Variants in RELL1 observed in about 807,000 individuals in gnomAD.
The protein encoded by RELL1 is RELT-like protein 1.
RELL1 carries 10 observed loss-of-function variants against 23.0 expected under a neutral mutation model. The ratio of observed to expected loss-of-function variants is 0.43; its 90% confidence interval spans 0.27 to 0.74. The LOEUF is 0.74. RELL1 is among the 30% of genes least tolerant of loss of function. The probability of loss-of-function intolerance (pLI) is 0.19; values close to 1 mark genes in which losing one functional copy is unlikely to be tolerated. For synonymous variants in RELL1, 146 were observed against 146.8 expected, an observed-to-expected ratio of 0.99 and a Z score of 0.04; for missense variants, 315 against 364.4, an observed-to-expected ratio of 0.86 and a Z score of 1.10.
chr4:37,668,270 A>C (rs1370892905), intron 1 of RELL1, among the ~76,000 whole-genome samples: 3 of 131,776 alleles, frequency 2.3e-5, no homozygotes, highest in African/African-American at 8.5e-5. Flanking sequence ...TACCGAGCCG[A>C]AGCTGGACTG....
At chr4:37,588,572 G>T, downstream of RELL1, 1 of 363,790 alleles carries the variant, frequency 2.7e-6, no homozygotes, top group Non-Finnish European at 5.1e-6. Context: ...CTCCTCATCT[G>T]CAAAATGGGG....
downstream of RELL1, among the ~76,000 whole-genome samples, chr4:37,589,718 G>A (rs1458611562): frequency 1.3e-5 from 2 of 152,076 alleles, no homozygotes; most frequent in Non-Finnish European, 2.9e-5. Context: ...TGCAGCCTCC[G>A]CCTCCCAGGT....
At chr4:37,615,784 A>G (rs1163411416) in intron 6 of RELL1, among the ~76,000 whole-genome samples, 2 of 152,254 alleles carry the variant, frequency 1.3e-5, no homozygotes, top group Non-Finnish European at 2.9e-5. Context: ...GATAAAAATT[A>G]AGAACCGCCC....
chr4:37,613,103 A>AT lies in RELL1; in HGVS notation c.*242dup, dbSNP rs1294913949. On this transcript the variant is annotated 3_prime_UTR_variant, in exon 7 of 7. Coordinates refer to ENST00000454158, the MANE Select transcript of RELL1 (RefSeq NM_001085400.2). The stretch of plus-strand genomic sequence containing the variant: ...GTAGAGGCTGGGAGTGGTTAAGAAG[A>AT]TAAAAACAGCTCTTTCCTTCCCTGG... The AT allele has an allele frequency of 4.6e-5, 7 of 152,226 alleles. No homozygotes were observed. The highest frequency in any genetic ancestry group is 1.2e-4 in the African/African-American group (5 of 41,452). 9.4% of individuals were successfully genotyped at this position (152,226 alleles called of 1,614,324 possible).
chr4:37,587,137 A>G (rs924858893), downstream of RELL1, among the ~76,000 whole-genome samples: 1 of 152,004 alleles, frequency 6.6e-6, no homozygotes, highest in African/African-American at 2.4e-5. Flanking sequence ...CCTTGCTCCA[A>G]TCTCTGCCTT....
intron 5 of RELL1, among the ~76,000 whole-genome samples, chr4:37,633,682 A>G (rs1464344948): frequency 1.3e-5 from 2 of 152,192 alleles, no homozygotes; most frequent in Non-Finnish European, 2.9e-5. Flanking sequence ...AACTGAATTA[A>G]AATAAAAATA....
At chr4:37,615,237 C>T (rs1719538206) in intron 6 of RELL1, among the ~76,000 whole-genome samples, 1 of 151,660 alleles carries the variant, frequency 6.6e-6, no homozygotes, top group Non-Finnish European at 1.5e-5. Context: ...AAAAACTGCA[C>T]TATCTGTAAT....
intron 4 of RELL1, among the ~76,000 whole-genome samples, chr4:37,636,101 G>C (rs1280201040): frequency 2.0e-5 from 3 of 152,132 alleles, no homozygotes; most frequent in Non-Finnish European, 2.9e-5. Context: ...TTAACAATGA[G>C]GATATTGAGG....
chr4:37,597,027 C>T (rs1056682799), intron 6 of RELL1, among the ~76,000 whole-genome samples: 1 of 151,734 alleles, frequency 6.6e-6, no homozygotes, highest in Non-Finnish European at 1.5e-5. Flanking sequence ...GGATTACAGG[C>T]GTGAGTCACC....
chr4:37,595,776 A>G (rs1912119), intron 6 of RELL1, among the ~76,000 whole-genome samples: 84,285 of 152,044 alleles, frequency 0.55, 26,856 homozygotes, highest in Non-Finnish European at 0.73. Context: ...TTTGGTCTCT[A>G]GAATGAGTCC....
downstream of RELL1, chr4:37,588,069 A>G (rs1416974076): frequency 6.6e-6 from 1 of 152,284 alleles, no homozygotes; most frequent in African/African-American, 2.4e-5. Context: ...TGAGGAAGGA[A>G]GAGGCCAACA....
chr4:37,637,511 C>A lies in RELL1; in HGVS notation c.443+936G>T, dbSNP rs1720373186. Among the ~76,000 whole-genome samples, 3 of 152,336 alleles carry A rather than the reference C, an allele frequency of 2.0e-5. No individual in the cohort carries two copies. The South Asian group carries it at 6.2e-4, about 32-fold the overall frequency. ...CCAGCCCTGACTCTTGTCTCCACCT[C>A]CTGCACGCCTGGTTCAGATGGCACC... On this transcript the variant is annotated intron_variant, in intron 4 of 6. Coordinates refer to ENST00000454158, the MANE Select transcript of RELL1 (RefSeq NM_001085400.2).
chr4:37,605,793 G>GAGAAAGAA (rs771797298), downstream of RELL1, among the ~76,000 whole-genome samples: 4,986 of 90,164 alleles, frequency 0.055, 185 homozygotes, highest in East Asian at 0.086. Context: ...GAGAAAGAAA[G>GAGAAAGAA]AGAAAGAAAG....
intron 1 of RELL1, among the ~76,000 whole-genome samples, chr4:37,683,787 CAAAT>C (rs895674022): frequency 9.1e-5 from 13 of 143,374 alleles, no homozygotes; most frequent in Non-Finnish European, 2.0e-4. Flanking sequence ...AATAAATAAA[CAAAT>C]AAAAATGCGG....
downstream of RELL1, chr4:37,590,206 G>A (rs1002923891): frequency 1.2e-6 from 2 of 1,614,116 alleles, no homozygotes; most frequent in African/African-American, 2.7e-5. Flanking sequence ...TGAAGTCTTG[G>A]TGCAGAAAAA....
chr4:37,664,344 A>G (rs1721456274), intron 1 of RELL1, among the ~76,000 whole-genome samples: 2 of 151,158 alleles, frequency 1.3e-5, no homozygotes, highest in South Asian at 4.2e-4. Flanking sequence ...CTGAGATCCC[A>G]TCACTGTGAC....
At chr4:37,649,789 G>T (rs1720838187) in intron 1 of RELL1, among the ~76,000 whole-genome samples, 1 of 152,218 alleles carries the variant, frequency 6.6e-6, no homozygotes. Context: ...TTGTCGTGAA[G>T]TGTCCAGCAC....
chr4:37,604,721 A>G (rs1254197300), intron 6 of RELL1, among the ~76,000 whole-genome samples: 1 of 152,108 alleles, frequency 6.6e-6, no homozygotes, highest in East Asian at 1.9e-4. Context: ...ACTTTGGCAA[A>G]TACAGTTTTG....
rs1014453940 is a variant in RELL1 at position 37,610,746 on chromosome 4, C to G, written c.*2600G>C. 1.3e-5 allele frequency among the ~76,000 whole-genome samples: 2 copies of G among 152,162 alleles called. No individual in the cohort carries two copies. The highest frequency in any genetic ancestry group is 2.9e-5 in the Non-Finnish European group (2 of 68,026). On this transcript the variant is annotated 3_prime_UTR_variant, in exon 7 of 7. Transcript: ENST00000454158. The surrounding 1 kb of genome is among the most constrained non-coding windows in gnomAD (Gnocchi z 4.1). Reference sequence around the variant, plus strand: ...CTCGAAATGGTGAAAATTTTCCTTACAAATTTTTACATCAAGGTAGTAGCC... The same window carrying G: ...CTCGAAATGGTGAAAATTTTCCTTAGAAATTTTTACATCAAGGTAGTAGCC...
Sources: gnomAD v4.1 joint callset for allele counts (sites outside exome capture counted in the v4.1 genomes callset) on GRCh38, gnomAD v4.1.1 for gene constraint, Gnocchi (gnomAD v3.1) non-coding constraint, MANE v1.5 for transcripts, NCBI Gene and HGNC (gene_info 2026-07-23, HGNC 2026-07-21) for gene names.